The following MACF1 variants were observed in gnomAD, a reference collection of about 807,000 sequenced individuals.
MACF1 encodes the protein microtubule-actin cross-linking factor 1.
MACF1 carries 193 observed loss-of-function variants against 854.8 expected under a neutral mutation model. That is an observed-to-expected ratio of 0.23 (90% CI 0.20 to 0.25). The LOEUF (loss-of-function observed/expected upper bound fraction) is 0.25. MACF1 is among the 10% of genes least tolerant of loss of function. The probability of loss-of-function intolerance (pLI) is 1.00; values close to 1 mark genes in which losing one functional copy is unlikely to be tolerated. For synonymous variants in MACF1, 3,185 were observed against 3,226.7 expected (o/e 0.99, Z 0.44); for missense variants, 7,722 against 8,929.1 (o/e 0.86, Z 5.45).
intron 97 of MACF1, among the ~76,000 whole-genome samples, chr1:39,470,302 A>G (rs1644751729): frequency 6.6e-6 from 1 of 152,174 alleles, no homozygotes; most frequent in East Asian, 1.9e-4. Context: ...TGTGTTTACT[A>G]CAGTAAACCA....
Position 39,485,565 on chromosome 1 carries a change from G to C in MACF1, c.22439G>C (p.Gly7480Ala). The C allele has an allele frequency of 6.2e-7, 1 of 1,613,670 alleles. No homozygotes were observed. The highest frequency in any genetic ancestry group is 8.5e-7 in the Non-Finnish European group (1 of 1,179,756). Residue 7480 changes from glycine (G) to alanine (A), a missense_variant, in exon 101 of 101, where the codon GGG becomes GCG. Physicochemically the swap from Gly to Ala is moderately conservative, Grantham distance 60 (BLOSUM62 0). Coordinates refer to ENST00000564288, the MANE Select transcript of MACF1 (RefSeq NM_001394062.1). ...CCTAAAAAGTCTGCCAGTCGCCCTGGGAGTCGGGCTGGGAGTCGAGCCGGG... is the reference window on the plus strand; with the variant it reads ...CCTAAAAAGTCTGCCAGTCGCCCTGCGAGTCGGGCTGGGAGTCGAGCCGGG... ...ADPKKSASRPGSRAGSRAGSR... is the reference protein window; with the variant it reads ...ADPKKSASRPASRAGSRAGSR...
chr1:39,265,108 G>T (rs893386644), intron 6 of MACF1, among the ~76,000 whole-genome samples: 9 of 152,168 alleles, frequency 5.9e-5, no homozygotes, highest in African/African-American at 2.2e-4. Flanking sequence ...TCAAATGTTT[G>T]TTAAATACTA....
At chr1:39,176,166 C>CAGGAGGGAG (rs1304289906) in intron 2 of MACF1, among the ~76,000 whole-genome samples, 1 of 141,374 alleles carries the variant, frequency 7.1e-6, no homozygotes, top group Non-Finnish European at 1.5e-5. Flanking sequence ...CCCAGCTACT[C>CAGGAGGGAG]AGGAGGGAGG....
chr1:39,391,426 G>A (rs550975718), intron 58 of MACF1, among the ~76,000 whole-genome samples: 2 of 152,140 alleles, frequency 1.3e-5, no homozygotes, highest in South Asian at 2.1e-4. Context: ...TGTGTGTGGA[G>A]AGGAGGAGGT....
At chr1:39,234,400 C>T (rs1251587806) in intron 2 of MACF1, among the ~76,000 whole-genome samples, 3 of 149,966 alleles carry the variant, frequency 2.0e-5, no homozygotes, top group Non-Finnish European at 4.4e-5. Flanking sequence ...CCGGGCGGGG[C>T]GGCTGGCCGG....
chr1:39,393,750 A>C (rs1051138047), intron 58 of MACF1, among the ~76,000 whole-genome samples: 5 of 151,596 alleles, frequency 3.3e-5, no homozygotes, highest in African/African-American at 1.2e-4. Flanking sequence ...TTGACGCTGC[A>C]GTGAGCTGCG....
chr1:39,469,355 T>A (rs1013134527), intron 96 of MACF1, among the ~76,000 whole-genome samples, 192 bp from the exon 97 acceptor site: 5 of 152,190 alleles, frequency 3.3e-5, no homozygotes, highest in Non-Finnish European at 7.4e-5. Context: ...GTGTGGGGAC[T>A]GCAACAGGGA....
chr1:39,427,424 C>G, intron 61 of MACF1, 31 bp from the exon 62 acceptor site: 1 of 1,600,928 alleles, frequency 6.2e-7, no homozygotes, highest in Non-Finnish European at 8.5e-7. Flanking sequence ...GACTTTTCTT[C>G]CTGAGCAGCT....
At chr1:39,440,815 A>G (rs1021659939) in intron 72 of MACF1, among the ~76,000 whole-genome samples, 188 bp from the exon 73 acceptor site, 2 of 152,246 alleles carry the variant, frequency 1.3e-5, no homozygotes, top group African/African-American at 4.8e-5. Flanking sequence ...ACATATACCT[A>G]TATGTAATAT....
chr1:39,167,354 C>G (rs909514288), intron 2 of MACF1, among the ~76,000 whole-genome samples: 3 of 149,732 alleles, frequency 2.0e-5, no homozygotes, highest in Non-Finnish European at 3.0e-5. Context: ...GCGGGTGGAT[C>G]ACCTGAGGAG....
chr1:39,117,347 C>T (rs1642572954), intron 2 of MACF1, among the ~76,000 whole-genome samples: 1 of 152,104 alleles, frequency 6.6e-6, no homozygotes, highest in Non-Finnish European at 1.5e-5. Flanking sequence ...TTGTTTATTG[C>T]CATGTTCGCC....
At chr1:39,397,950 A>C (rs1330547871) in intron 58 of MACF1, among the ~76,000 whole-genome samples, 1 of 152,202 alleles carries the variant, frequency 6.6e-6, no homozygotes, top group Non-Finnish European at 1.5e-5. Context: ...TCTAAATCAG[A>C]CATTTAAAAT....
chr1:39,092,277 G>A (rs1455514732), intron 2 of MACF1, among the ~76,000 whole-genome samples: 1 of 152,182 alleles, frequency 6.6e-6, no homozygotes, highest in African/African-American at 2.4e-5. Context: ...GAATCTAGAC[G>A]GTGGTTTGGG....
chr1:39,400,808 T>C, intron 58 of MACF1, among the ~76,000 whole-genome samples: 1 of 152,114 alleles, frequency 6.6e-6, no homozygotes, highest in East Asian at 1.9e-4. Context: ...GTATCAAGCC[T>C]GTGAAATCTT....
chr1:39,470,563 T>C (rs1439006461), intron 97 of MACF1, among the ~76,000 whole-genome samples: 1 of 152,206 alleles, frequency 6.6e-6, no homozygotes, highest in East Asian at 1.9e-4. Flanking sequence ...GGAGTATTGC[T>C]TGAGCCCAGG....
At chr1:39,446,801 G>A (rs1644240723) in intron 80 of MACF1, among the ~76,000 whole-genome samples, 1 of 152,112 alleles carries the variant, frequency 6.6e-6, no homozygotes. Flanking sequence ...CCCTGAATGA[G>A]CTCTTGTTGT....
intron 61 of MACF1, among the ~76,000 whole-genome samples, chr1:39,426,141 T>C (rs1322640512): frequency 6.6e-6 from 1 of 152,164 alleles, no homozygotes; most frequent in Admixed American, 6.5e-5. Context: ...TTAATAATAA[T>C]TTTTAATATT....
At chr1:39,175,964 G>T (rs1308228657) in intron 2 of MACF1, among the ~76,000 whole-genome samples, 1 of 134,694 alleles carries the variant, frequency 7.4e-6, no homozygotes, top group African/African-American at 2.8e-5. Context: ...AAAAAAATTA[G>T]CCAGGTGTGG....
chr1:39,394,781 A>G (rs1304128241), intron 58 of MACF1, among the ~76,000 whole-genome samples: 1 of 152,186 alleles, frequency 6.6e-6, no homozygotes, highest in African/African-American at 2.4e-5. Flanking sequence ...ACTGGAGGAT[A>G]GAGCAAATGA....
Sources: gnomAD v4.1 joint callset for allele counts (sites outside exome capture counted in the v4.1 genomes callset) on GRCh38, gnomAD v4.1.1 for gene constraint, MANE v1.5 for transcripts, NCBI Gene and HGNC (gene_info 2026-07-23, HGNC 2026-07-21) for gene names.